Variants in HMGA2 observed in about 807,000 individuals in gnomAD.
HMGA2 encodes the protein high mobility group protein HMGI-C.
A neutral mutation model predicts 19.1 loss-of-function variants in HMGA2; 8 were observed. The observed-to-expected ratio is 0.42, with a 90% confidence interval of 0.25 to 0.76. The LOEUF (loss-of-function observed/expected upper bound fraction) is 0.76, where lower values mean the gene tolerates loss of function less well. Ranked by LOEUF, HMGA2 falls within the 30% of genes least tolerant of loss-of-function variation. The probability of loss-of-function intolerance (pLI) is 0.28; values close to 1 mark genes in which losing one functional copy is unlikely to be tolerated. For missense variants in HMGA2, 109 were observed against 136.3 expected (o/e 0.80, Z 1.00); for synonymous variants, 60 against 48.8 (o/e 1.23, Z -0.96).
intron 3 of HMGA2, among the ~76,000 whole-genome samples, chr12:65,911,600 A>T (rs1874848080): frequency 6.6e-6 from 1 of 152,152 alleles, no homozygotes; most frequent in Non-Finnish European, 1.5e-5. Context: ...CTATTCTCTT[A>T]GCATGTTCGA....
chr12:65,854,223 A>G (rs1871615587), intron 3 of HMGA2, among the ~76,000 whole-genome samples: 1 of 152,238 alleles, frequency 6.6e-6, no homozygotes, highest in Non-Finnish European at 1.5e-5. Flanking sequence ...GATAAGAGAA[A>G]CATCAATATA....
At chr12:65,851,978 C>G (rs1001066096) in intron 3 of HMGA2, among the ~76,000 whole-genome samples, 4 of 151,866 alleles carry the variant, frequency 2.6e-5, no homozygotes, top group Non-Finnish European at 5.9e-5. Context: ...GTCTTCCTGT[C>G]TGGGTTGTGG....
At chr12:65,894,949 G>A (rs1351089352) in intron 3 of HMGA2, among the ~76,000 whole-genome samples, 2 of 152,168 alleles carry the variant, frequency 1.3e-5, no homozygotes, top group Non-Finnish European at 2.9e-5. Flanking sequence ...TGCATTTGTT[G>A]TGTATATCCC....
At chr12:65,853,083 CTG>C (rs1871555789) in intron 3 of HMGA2, among the ~76,000 whole-genome samples, 1 of 152,088 alleles carries the variant, frequency 6.6e-6, no homozygotes, top group Non-Finnish European at 1.5e-5. Context: ...GTGGTACAGT[CTG>C]AGGGGGAAGG....
chr12:65,838,508 T>C lies in HMGA2; in HGVS notation c.199-11T>C, dbSNP rs1226885923. ...GTAGAAAACTATAATGACTTCCTTT[T>C]TCATTTGCAGAAAGCAGAAGCCACT... On this transcript the variant is annotated splice_polypyrimidine_tract_variant and intron_variant, in intron 2 of 4. Transcript: ENST00000403681. The C allele has an allele frequency of 1.1e-5, 17 of 1,608,536 alleles. No homozygotes were observed. Among genetic ancestry groups the C allele is most frequent in the Admixed American group, 1.7e-5 (1 of 59,978 alleles).
At chr12:65,921,018 T>C (rs73121712) in intron 3 of HMGA2, among the ~76,000 whole-genome samples, 2,324 of 152,282 alleles carry the variant, frequency 0.015, 39 homozygotes, top group South Asian at 0.036. Flanking sequence ...GATAGTGATA[T>C]GGACAATAAA....
chr12:65,863,792 T>C (rs1872238299), intron 3 of HMGA2, among the ~76,000 whole-genome samples: 1 of 152,150 alleles, frequency 6.6e-6, no homozygotes, highest in African/African-American at 2.4e-5. Flanking sequence ...AAACATGAAG[T>C]ATTCAAACCT....
In HMGA2 at chr12:65,907,969, T is replaced by A. The variant is rs571340608; in HGVS notation, c.250-43414T>A. Among the ~76,000 whole-genome samples, 4 of 152,300 alleles carry A rather than the reference T, an allele frequency of 2.6e-5. No individual in the cohort carries two copies. The South Asian group carries it at 6.2e-4, about 24-fold the overall frequency. ...CCATTACAAAGGTAGCTTGACTCTC[T>A]TTTTACACTTAATTACTCAAATCTT... On this transcript the variant is annotated intron_variant, in intron 3 of 4. Transcript: ENST00000403681.
At chr12:65,952,039 T>C in intron 4 of HMGA2, 1 of 258,756 alleles carries the variant, frequency 3.9e-6, no homozygotes, top group Non-Finnish European at 7.4e-6. Flanking sequence ...CTATAATCTG[T>C]ACATAGAAAC....
intron 3 of HMGA2, among the ~76,000 whole-genome samples, chr12:65,850,467 A>T (rs1461214944): frequency 6.6e-6 from 1 of 152,022 alleles, no homozygotes; most frequent in Admixed American, 6.5e-5. Flanking sequence ...TAGATTGTGT[A>T]GTGTGAGAGA....
chr12:65,907,338 A>T (rs1238969706), intron 3 of HMGA2, among the ~76,000 whole-genome samples: 1 of 148,840 alleles, frequency 6.7e-6, no homozygotes, highest in Admixed American at 6.8e-5. Flanking sequence ...TGAACCAGGG[A>T]GGCAGAGGTT....
At chr12:65,865,021 CCT>C (rs1411810794) in intron 3 of HMGA2, among the ~76,000 whole-genome samples, 1 of 152,152 alleles carries the variant, frequency 6.6e-6, no homozygotes, top group Non-Finnish European at 1.5e-5. Flanking sequence ...ACCAACCCCT[CCT>C]CATCCTCAGC....
intron 3 of HMGA2, among the ~76,000 whole-genome samples, chr12:65,870,086 T>C (rs1234732890): frequency 1.3e-5 from 2 of 152,310 alleles, no homozygotes; most frequent in East Asian, 1.9e-4. Context: ...ACAACGTATG[T>C]ATATACAGGT....
intron 3 of HMGA2, among the ~76,000 whole-genome samples, chr12:65,885,461 C>A (rs1166201213): frequency 6.6e-6 from 1 of 152,122 alleles, no homozygotes. Context: ...AGATTAAAAA[C>A]AAAATGTTTT....
At chr12:65,915,726 A>G (rs1412202696) in intron 3 of HMGA2, among the ~76,000 whole-genome samples, 1 of 151,932 alleles carries the variant, frequency 6.6e-6, no homozygotes, top group Non-Finnish European at 1.5e-5. Flanking sequence ...CTTGACTTAC[A>G]TTTTTTTGTT....
intron 3 of HMGA2, among the ~76,000 whole-genome samples, chr12:65,841,238 A>G (rs1302336504): frequency 6.6e-6 from 1 of 152,128 alleles, no homozygotes; most frequent in Admixed American, 6.5e-5. Flanking sequence ...TAAGAAGCAC[A>G]TGTGAGGCCC....
At chr12:65,898,969 G>A (rs560026851) in intron 3 of HMGA2, among the ~76,000 whole-genome samples, 6 of 149,688 alleles carry the variant, frequency 4.0e-5, no homozygotes, top group African/African-American at 7.5e-5. Context: ...GCATGAACCC[G>A]GGAGGCTGAG....
At chr12:65,893,829 C>G (rs1272188118) in intron 3 of HMGA2, among the ~76,000 whole-genome samples, 1 of 152,220 alleles carries the variant, frequency 6.6e-6, no homozygotes, top group African/African-American at 2.4e-5. Flanking sequence ...TGATATTTGA[C>G]TTTCCCACTG....
At chr12:65,833,546 G>A (rs949874832) in intron 2 of HMGA2, among the ~76,000 whole-genome samples, 4 of 151,988 alleles carry the variant, frequency 2.6e-5, no homozygotes, top group Non-Finnish European at 4.4e-5. Flanking sequence ...ACCTGACCCT[G>A]AAGTCAGAAT....
Sources: allele counts gnomAD v4.1 joint callset (sites outside exome capture counted in the v4.1 genomes callset), GRCh38; gene constraint gnomAD v4.1.1; transcripts MANE v1.5; gene names NCBI Gene and HGNC (gene_info 2026-07-23, HGNC 2026-07-21).